GNB1: variants seen among roughly 807,000 people sequenced by gnomAD.
The protein encoded by GNB1 is guanine nucleotide-binding protein G(I)/G(S)/G(T) subunit beta-1.
In GNB1, 2 loss-of-function variants were observed where a neutral mutation model predicts 42.9. The ratio of observed to expected loss-of-function variants is 0.05; its 90% CI spans 0.02 to 0.15. The LOEUF is 0.15. GNB1 is among the 10% of genes least tolerant of loss of function. The pLI is 1.00. For synonymous variants in GNB1, 183 were observed against 174.7 expected (o/e 1.05, Z -0.38); for missense variants, 193 against 462.2 (o/e 0.42, Z 5.34).
intron 8 of GNB1, among the ~76,000 whole-genome samples, chr1:1,792,566 G>A (rs1352215860): frequency 6.6e-6 from 1 of 151,556 alleles, no homozygotes; most frequent in Non-Finnish European, 1.5e-5. Flanking sequence ...GTGTGGTGGC[G>A]CACACCTGTA....
intron 1 of GNB1, among the ~76,000 whole-genome samples, chr1:1,888,429 T>C (rs1400762355): frequency 6.6e-6 from 1 of 151,304 alleles, no homozygotes; most frequent in Non-Finnish European, 1.5e-5. Flanking sequence ...CAAATGCTCG[T>C]AACCTGGGAC....
intron 5 of GNB1, among the ~76,000 whole-genome samples, chr1:1,814,797 C>CAA (rs66588627): frequency 0.029 from 2,256 of 77,066 alleles, 60 homozygotes; most frequent in Non-Finnish European, 0.037. Flanking sequence ...GACCCTGTCT[C>CAA]AAAAAAAAAA....
chr1:1,865,693 G>A (rs1648900660), intron 1 of GNB1, among the ~76,000 whole-genome samples: 1 of 152,196 alleles, frequency 6.6e-6, no homozygotes, highest in Non-Finnish European at 1.5e-5. Context: ...TATGAAACAG[G>A]AGACTACAGT....
At chr1:1,795,888 C>G (rs970330742) in intron 7 of GNB1, among the ~76,000 whole-genome samples, 4 of 152,216 alleles carry the variant, frequency 2.6e-5, no homozygotes, top group Non-Finnish European at 5.9e-5. Flanking sequence ...AAAATCACAG[C>G]TCTCAAGCGC....
intron 10 of GNB1, chr1:1,788,844 C>T (rs567164435): frequency 5.6e-6 from 3 of 539,436 alleles, no homozygotes; most frequent in East Asian, 3.2e-5. Flanking sequence ...CCCTCCCCGA[C>T]GCATGTGGGA....
At chr1:1,804,050 T>C (rs1646662780) in intron 7 of GNB1, among the ~76,000 whole-genome samples, 1 of 145,076 alleles carries the variant, frequency 6.9e-6, no homozygotes, top group Non-Finnish European at 1.5e-5. Flanking sequence ...TCCCAGCACT[T>C]TGGGAGGCTG....
chr1:1,807,705 CTTTTTTTCTT>C (rs1646721031), intron 5 of GNB1, among the ~76,000 whole-genome samples: 1 of 151,200 alleles, frequency 6.6e-6, no homozygotes, highest in Non-Finnish European at 1.5e-5. Context: ...CGAATTTTTT[CTTTTTTTCTT>C]TTTTTTTTTT....
At chr1:1,799,619 A>AGCACTGC (rs1646597565) in intron 7 of GNB1, among the ~76,000 whole-genome samples, 1 of 152,242 alleles carries the variant, frequency 6.6e-6, no homozygotes, top group Admixed American at 6.5e-5. Context: ...TTCTCACAGA[A>AGCACTGC]ACAACTATAA....
intron 5 of GNB1, among the ~76,000 whole-genome samples, chr1:1,813,423 A>T (rs566323289): frequency 4.1e-4 from 62 of 152,068 alleles, no homozygotes; most frequent in Middle Eastern, 3.4e-3. Context: ...AACATTTTTT[A>T]AAAAATTCTT....
Position 1,804,836 on chromosome 1 carries a change from G to A in GNB1, c.268-255C>T, listed in dbSNP as rs553367731. ...TGAAGTCACAACTTATGATTAGGTGGAGTCTTAACAGTAGTGCTGCCCACT... is the reference window on the plus strand; with the variant it reads ...TGAAGTCACAACTTATGATTAGGTGAAGTCTTAACAGTAGTGCTGCCCACT... On this transcript the variant is annotated intron_variant, in intron 6 of 11. Coordinates refer to ENST00000378609, the MANE Select transcript of GNB1 (RefSeq NM_002074.5). Among the ~76,000 whole-genome samples the A allele has an allele frequency of 1.3e-4, 20 of 152,326 alleles. No individual in the cohort carries two copies. In the South Asian group the frequency reaches 2.5e-3, roughly 19 times the overall value.
At chr1:1,858,567 T>C (rs1648431329) in intron 1 of GNB1, among the ~76,000 whole-genome samples, 2 of 152,142 alleles carry the variant, frequency 1.3e-5, no homozygotes, top group African/African-American at 4.8e-5. Context: ...GTGGGTCCCC[T>C]TCTCATGGGA....
At chr1:1,799,028 C>A (rs1646587053) in intron 7 of GNB1, among the ~76,000 whole-genome samples, 1 of 151,812 alleles carries the variant, frequency 6.6e-6, no homozygotes, top group Non-Finnish European at 1.5e-5. Context: ...TCACGCCATT[C>A]TCCTGCCTCA....
chr1:1,815,998 T>A (rs1646849747), intron 4 of GNB1, 136 bp from the exon 5 acceptor site: 2 of 656,734 alleles, frequency 3.0e-6, no homozygotes, highest in Non-Finnish European at 2.8e-6. Flanking sequence ...TCCAGTGGCT[T>A]CCACTGTGGC....
intron 1 of GNB1, among the ~76,000 whole-genome samples, chr1:1,861,878 C>A (rs573263062): frequency 6.6e-6 from 1 of 152,252 alleles, no homozygotes; most frequent in African/African-American, 2.4e-5. Context: ...TGAGGGATGT[C>A]CTACAGGATA....
intron 7 of GNB1, among the ~76,000 whole-genome samples, chr1:1,798,581 C>A (rs1646578317): frequency 6.6e-6 from 1 of 152,328 alleles, no homozygotes; most frequent in South Asian, 2.1e-4. Flanking sequence ...GCAAGGGCCG[C>A]CGTGTCTCCA....
chr1:1,836,603 T>A (rs1405504237), intron 2 of GNB1, among the ~76,000 whole-genome samples: 1 of 151,824 alleles, frequency 6.6e-6, no homozygotes, highest in Non-Finnish European at 1.5e-5. Flanking sequence ...CAGGCTGGAG[T>A]GCAGTTGCAC....
intron 1 of GNB1, among the ~76,000 whole-genome samples, chr1:1,860,019 C>T (rs891899111): frequency 2.0e-5 from 3 of 151,968 alleles, no homozygotes; most frequent in Non-Finnish European, 2.9e-5. Flanking sequence ...AACAAACCTG[C>T]ACGTTGTGCA....
intron 3 of GNB1, among the ~76,000 whole-genome samples, chr1:1,818,569 T>A (rs1260629755): frequency 6.6e-6 from 1 of 151,132 alleles, no homozygotes; most frequent in Non-Finnish European, 1.5e-5. Flanking sequence ...AATTAAAAAT[T>A]TAAGGAAAAT....
At chr1:1,888,545 T>C (rs35371819) in intron 1 of GNB1, among the ~76,000 whole-genome samples, 1 of 152,092 alleles carries the variant, frequency 6.6e-6, no homozygotes, top group Non-Finnish European at 1.5e-5. Context: ...GTTAGAAAGT[T>C]CTGCCTTACC....
Sources: gnomAD v4.1 joint callset for allele counts (sites outside exome capture counted in the v4.1 genomes callset) on GRCh38, gnomAD v4.1.1 for gene constraint, MANE v1.5 for transcripts, NCBI Gene and HGNC (gene_info 2026-07-23, HGNC 2026-07-21) for gene names.